Variants in MIB1 observed in about 807,000 individuals in gnomAD.
MIB1 encodes E3 ubiquitin-protein ligase MIB1.
A neutral mutation model predicts 124.5 loss-of-function variants in MIB1; 278 were observed. That is an observed-to-expected ratio of 2.23 (90% CI 2.02 to 2.47). MIB1 has a LOEUF of 2.47. MIB1 is among the 30% of genes most tolerant of loss of function. The probability of loss-of-function intolerance (pLI) is 0.00; values close to 1 mark genes in which losing one functional copy is unlikely to be tolerated. For synonymous variants in MIB1, 446 were observed against 429.4 expected, an observed-to-expected ratio of 1.04 and a Z score of -0.48; for missense variants, 957 against 1,254.4, an observed-to-expected ratio of 0.76 and a Z score of 3.58.
At chr18:21,711,867 T>A (rs1486295707) in intron 1 of MIB1, 1 of 151,782 alleles carries the variant, frequency 6.6e-6, no homozygotes, top group Non-Finnish European at 1.5e-5. Flanking sequence ...CTAAGTTTTT[T>A]CTTTTTTATA....
intron 3 of MIB1, among the ~76,000 whole-genome samples, chr18:21,770,331 C>A (rs1199088660): frequency 6.6e-6 from 1 of 152,176 alleles, no homozygotes; most frequent in Non-Finnish European, 1.5e-5. Flanking sequence ...TTGTTTAAGA[C>A]CAAGTGTAAC....
Position 21,799,949 on chromosome 18 carries a change from AT to A in MIB1, c.1349del (p.Leu450CysfsTer9). 6.2e-7 allele frequency: 1 copy of A among 1,611,996 alleles called. No individual in the cohort carries two copies. The highest frequency in any genetic ancestry group is 8.5e-7 in the Non-Finnish European group (1 of 1,178,590). On this transcript the variant is annotated frameshift_variant, in exon 9 of 21. Coordinates refer to ENST00000261537, the MANE Select transcript of MIB1 (RefSeq NM_020774.4). LOFTEE classifies it high-confidence loss of function. ...AANGDVAKVE[D>X]LLKRPDVDVN... ...AATGGAGATGTTGCTAAAGTGGAAG[AT>A]TTGCTTAAAAGACCAGATGTGGATG... is the stretch of plus-strand genomic sequence containing the variant.
At chr18:21,744,506 A>C (rs1032740245) in intron 1 of MIB1, among the ~76,000 whole-genome samples, 2 of 152,124 alleles carry the variant, frequency 1.3e-5, no homozygotes, top group Non-Finnish European at 2.9e-5. Flanking sequence ...TATTTATTCA[A>C]ATTATATGCA....
At chr18:21,814,371 G>T (rs2041805793) in intron 10 of MIB1, among the ~76,000 whole-genome samples, 1 of 150,164 alleles carries the variant, frequency 6.7e-6, no homozygotes, top group Non-Finnish European at 1.5e-5. Flanking sequence ...CACATTGTTT[G>T]GCATTCTTTT....
In MIB1 at chr18:21,864,532, T is replaced by C. The variant is rs1322679556; in HGVS notation, c.2887T>C (p.Cys963Arg). Residue 963 changes from cysteine to arginine, a missense_variant, in exon 21 of 21, where the codon TGC becomes CGC. By Grantham distance (180) the Cys-to-Arg change is radical. Coordinates refer to ENST00000261537, the MANE Select transcript of MIB1 (RefSeq NM_020774.4). Reference protein sequence around the residue: ...QLQDIKEQTMCPVCLDRLKNM... With the variant: ...QLQDIKEQTMRPVCLDRLKNM... Reference sequence around the variant, plus strand: ...TTGTTATCTCACATTACAGACAATGTGCCCTGTGTGTCTAGATCGTCTGAA... The same window carrying C: ...TTGTTATCTCACATTACAGACAATGCGCCCTGTGTGTCTAGATCGTCTGAA... 2 of 1,612,052 alleles carry C rather than the reference T, an allele frequency of 1.2e-6. No individual in the cohort carries two copies. The highest frequency in any genetic ancestry group is 1.7e-6 in the Non-Finnish European group (2 of 1,178,496).
Position 21,799,878 on chromosome 18 carries a change from C to A in MIB1, c.1275C>A (p.Thr425=), listed in dbSNP as rs760233748. Residue 425 remains threonine (T), a synonymous_variant, in exon 9 of 21, where the codon ACC becomes ACA. Coordinates refer to ENST00000261537, the MANE Select transcript of MIB1 (RefSeq NM_020774.4). ...AACTCCTGAAGAAATTATTTGAAACCCAAGAATCTGGTGACCTCAATGAAG... is the reference window on the plus strand; with the variant it reads ...AACTCCTGAAGAAATTATTTGAAACACAAGAATCTGGTGACCTCAATGAAG... ...LSQLLKKLFE[T]QESGDLNEEL... is the part of the protein sequence containing the mutation. The A allele has an allele frequency of 6.2e-7, 1 of 1,611,242 alleles. No individual in the cohort carries two copies. The highest frequency in any genetic ancestry group is 8.5e-7 in the Non-Finnish European group (1 of 1,178,284).
chr18:21,834,368 A>C (rs1197604232), intron 12 of MIB1, among the ~76,000 whole-genome samples: 1 of 152,060 alleles, frequency 6.6e-6, no homozygotes, highest in Non-Finnish European at 1.5e-5. Flanking sequence ...TCTCTGTTCA[A>C]ATAATTTATG....
In MIB1 at chr18:21,803,970, A is replaced by G. The variant is rs147461251; in HGVS notation, c.1435A>G (p.Ile479Val). The G allele has an allele frequency of 5.9e-5, 95 of 1,613,830 alleles. No homozygotes were observed. The African/African-American group carries it at 1.1e-3, about 19-fold the overall frequency. Reference protein sequence around the residue: ...QAASQNGHVDILKLLLKQNVD... With the variant: ...QAASQNGHVDVLKLLLKQNVD... ...TGCTAGTCAGAATGGACATGTTGAC[A>G]TTTTGAAGTTACTTTTGAAGCAAAA... Residue 479 changes from isoleucine (I) to valine (V), a missense_variant, in exon 10 of 21, where the codon ATT becomes GTT. Physicochemically the swap from Ile to Val is conservative, Grantham distance 29 (BLOSUM62 3). Transcript: ENST00000261537.
At chr18:21,834,070 C>G (rs996530506) in intron 12 of MIB1, among the ~76,000 whole-genome samples, 1 of 152,156 alleles carries the variant, frequency 6.6e-6, no homozygotes, top group Admixed American at 6.5e-5. Context: ...TGCAGCTTAA[C>G]AGTCTCCTCT....
chr18:21,801,424 A>G (rs2041649578), intron 9 of MIB1, among the ~76,000 whole-genome samples: 1 of 152,084 alleles, frequency 6.6e-6, no homozygotes. Context: ...CATGCTGTGG[A>G]GTATATTAGA....
chr18:21,761,124 T>C (rs2041093058), intron 1 of MIB1, among the ~76,000 whole-genome samples: 1 of 152,176 alleles, frequency 6.6e-6, no homozygotes. Flanking sequence ...AATGTCCATT[T>C]TGGAAAAATA....
Position 21,815,636 on chromosome 18 carries a change from A to AGT in MIB1, c.1501_1502dup (p.His502PhefsTer13). On this transcript the variant is annotated frameshift_variant, in exon 11 of 21. Coordinates refer to ENST00000261537, the MANE Select transcript of MIB1 (RefSeq NM_020774.4). LOFTEE classifies it high-confidence loss of function. ...ATTAGGATAAAGATGGTGATAGAGCAGTTCACCATGCAGCTTTTGGAGATG... is the reference window on the plus strand; with the variant it reads ...ATTAGGATAAAGATGGTGATAGAGCAGTGTTCACCATGCAGCTTTTGGAGATG... The AGT allele has an allele frequency of 6.2e-7, 1 of 1,613,634 alleles. No individual in the cohort carries two copies. Among genetic ancestry groups the AGT allele is most frequent in the Non-Finnish European group, 8.5e-7 (1 of 1,179,508 alleles).
In MIB1 at chr18:21,723,945, C is replaced by A. The variant is rs376249746; in HGVS notation, n.167+18822C>A. Among the ~76,000 whole-genome samples, 155 of 152,050 alleles carry A rather than the reference C, an allele frequency of 1.0e-3. 2 individuals are homozygous for A. The South Asian group carries it at 0.03, about 30-fold the overall frequency. On this transcript the variant is annotated intron_variant and non_coding_transcript_variant, in intron 1 of 20. Coordinates refer to the MIB1 transcript ENST00000578646. ...CACACTGGTCCTGAACTCAAGGGAT[C>A]CTCCTGCCTTGGCCTCCCAAAGTGC... is the stretch of plus-strand genomic sequence containing the variant.
intron 9 of MIB1, among the ~76,000 whole-genome samples, chr18:21,802,124 T>C (rs1248147909): frequency 6.6e-6 from 1 of 152,176 alleles, no homozygotes; most frequent in Admixed American, 6.5e-5. Flanking sequence ...TCAGAATTAC[T>C]ATTGAGAAGA....
intron 18 of MIB1, among the ~76,000 whole-genome samples, chr18:21,856,266 C>A (rs1373993966): frequency 3.1e-5 from 3 of 95,532 alleles, no homozygotes; most frequent in East Asian, 3.4e-4. Context: ...AAAAACAAAA[C>A]AAAACAAAAA....
intron 1 of MIB1, among the ~76,000 whole-genome samples, chr18:21,747,138 GCAAGGAAAACTT>G (rs2040920756): frequency 6.6e-6 from 1 of 152,160 alleles, no homozygotes; most frequent in African/African-American, 2.4e-5. Context: ...AATGACATCT[GCAAGGAAAACTT>G]TATTTCCTCA....
chr18:21,755,832 C>A (rs1280859531), intron 1 of MIB1, among the ~76,000 whole-genome samples: 2 of 152,266 alleles, frequency 1.3e-5, no homozygotes, highest in South Asian at 2.1e-4. Context: ...CGTTTATATT[C>A]TCAGAGCACA....
intron 1 of MIB1, among the ~76,000 whole-genome samples, chr18:21,761,347 G>C (rs914028286): frequency 1.3e-5 from 2 of 151,684 alleles, no homozygotes; most frequent in African/African-American, 4.8e-5. Context: ...ACTGCCATTT[G>C]TAAAGAGAAG....
chr18:21,808,935 A>G (rs538107714), intron 10 of MIB1, among the ~76,000 whole-genome samples: 4 of 151,950 alleles, frequency 2.6e-5, no homozygotes, highest in African/African-American at 7.2e-5. Flanking sequence ...GGGTAGTTTC[A>G]TCATTTAATT....
Sources: allele counts gnomAD v4.1 joint callset (sites outside exome capture counted in the v4.1 genomes callset), GRCh38; gene constraint gnomAD v4.1.1; transcripts MANE v1.5; gene names NCBI Gene and HGNC (gene_info 2026-07-23, HGNC 2026-07-21).